RYR2: variants seen among roughly 807,000 people sequenced by gnomAD.
RYR2 encodes cardiac muscle ryanodine receptor-calcium release channel.
A neutral mutation model predicts 601.1 loss-of-function variants in RYR2; 227 were observed. That is an observed-to-expected ratio of 0.38 (90% CI 0.34 to 0.42). RYR2 has a LOEUF of 0.42. Ranked by LOEUF, RYR2 falls within the 10% of genes least tolerant of loss-of-function variation. The probability of loss-of-function intolerance (pLI) is 1.00; values close to 1 mark genes in which losing one functional copy is unlikely to be tolerated. For synonymous variants in RYR2, 2,223 were observed against 2,175.1 expected (o/e 1.02, Z -0.61); for missense variants, 4,646 against 6,156.5 (o/e 0.75, Z 8.21).
intron 79 of RYR2, among the ~76,000 whole-genome samples, chr1:237,738,367 T>C (rs1403956651): frequency 6.6e-6 from 1 of 152,152 alleles, no homozygotes; most frequent in Non-Finnish European, 1.5e-5. Flanking sequence ...ATGTAGTAAC[T>C]ACCCATAAAC....
intron 10 of RYR2, among the ~76,000 whole-genome samples, chr1:237,410,370 G>A (rs1251644463): frequency 6.6e-6 from 1 of 152,160 alleles, no homozygotes; most frequent in Non-Finnish European, 1.5e-5. Context: ...ATTCAAGATA[G>A]ATAAGGTAAG....
At chr1:237,492,412 A>T (rs528166145) in intron 18 of RYR2, among the ~76,000 whole-genome samples, 34 of 152,324 alleles carry the variant, frequency 2.2e-4, no homozygotes, top group African/African-American at 7.5e-4. Flanking sequence ...TTCTCAATTT[A>T]TATATGAAGA....
chr1:237,584,494 G>A (rs963942817), intron 29 of RYR2, among the ~76,000 whole-genome samples: 67 of 152,168 alleles, frequency 4.4e-4, no homozygotes, highest in East Asian at 3.9e-4. Context: ...TTTGTTCACA[G>A]CTATATTCCC....
At chr1:237,305,163 T>G (rs1693749558) in intron 2 of RYR2, among the ~76,000 whole-genome samples, 1 of 152,280 alleles carries the variant, frequency 6.6e-6, no homozygotes, top group East Asian at 1.9e-4. Flanking sequence ...AGCAAGACTT[T>G]TGCTCACGTG....
intron 17 of RYR2, among the ~76,000 whole-genome samples, chr1:237,488,783 C>G (rs752484605): frequency 6.6e-6 from 1 of 152,114 alleles, no homozygotes; most frequent in Non-Finnish European, 1.5e-5. Flanking sequence ...TAATGATAAT[C>G]CCACCATCCT....
rs530258966 is a variant in RYR2 at position 237,755,231 on chromosome 1, G to A, written c.11146-1057G>A. ...TAGTTCACTTTATTTTTCATATTCT[G>A]TAACTAGCAAGCCTTCATTTTTTAA... On this transcript the variant is annotated intron_variant, in intron 80 of 104. Coordinates refer to ENST00000366574, the MANE Select transcript of RYR2 (RefSeq NM_001035.3). The A allele has an allele frequency of 8.8e-5, 42 of 478,138 alleles. 1 individual carries two copies. The highest frequency in any genetic ancestry group is 1.8e-4 in the Admixed American group (4 of 22,408). The allele number at this position is 478,138 out of a possible 1,614,324, so 29.6% of individuals were successfully genotyped here.
intron 29 of RYR2, among the ~76,000 whole-genome samples, chr1:237,571,679 A>G (rs900215339): frequency 3.3e-5 from 5 of 152,178 alleles, no homozygotes; most frequent in Non-Finnish European, 2.9e-5. Context: ...TGTTGCTTGT[A>G]TGAAGTTTTA....
chr1:237,746,071 AT>A (rs1692049807), intron 80 of RYR2, among the ~76,000 whole-genome samples: 1 of 152,190 alleles, frequency 6.6e-6, no homozygotes. Context: ...CCCTATAAAG[AT>A]ACTCTTCTCT....
intron 17 of RYR2, among the ~76,000 whole-genome samples, chr1:237,486,847 A>G (rs868856374): frequency 7.1e-4 from 108 of 152,234 alleles, no homozygotes; most frequent in African/African-American, 2.6e-3. Flanking sequence ...TAAAATATGT[A>G]TTTTATACAA....
intron 100 of RYR2, among the ~76,000 whole-genome samples, chr1:237,810,240 A>G (rs1341590629): frequency 6.6e-6 from 1 of 152,174 alleles, no homozygotes; most frequent in East Asian, 1.9e-4. Flanking sequence ...ACCATAACAA[A>G]GGGCCATTTT....
At position 237,700,337 on chromosome 1, in the gene RYR2, G is replaced by A. The variant is rs1687856862; in HGVS notation, c.9237G>A (p.Gln3079=). 2 of 1,600,522 alleles carry A rather than the reference G, an allele frequency of 1.2e-6. No homozygotes were observed. The highest frequency in any genetic ancestry group is 1.7e-5 in the Admixed American group (1 of 58,082). ...CCATGGAAAACCTCAAGCAGGGCCA[G>A]TTCACTCACACCCGAAACCAGCCCA... ...EKTMENLKQG[Q]FTHTRNQPKG... is the part of the protein sequence containing the mutation. The change falls in exon 65 of 105, where the codon CAG becomes CAA. Residue 3079 remains glutamine, a synonymous_variant. Coordinates refer to ENST00000366574, the MANE Select transcript of RYR2 (RefSeq NM_001035.3).
At chr1:237,664,508 T>C (rs1488308045) in intron 56 of RYR2, among the ~76,000 whole-genome samples, 1 of 152,214 alleles carries the variant, frequency 6.6e-6, no homozygotes, top group Non-Finnish European at 1.5e-5. Context: ...ACATCTCACA[T>C]GGTGGTAGAC....
intron 5 of RYR2, among the ~76,000 whole-genome samples, chr1:237,368,121 A>G (rs1429998085): frequency 6.6e-6 from 1 of 152,216 alleles, no homozygotes; most frequent in African/African-American, 2.4e-5. Context: ...AGTTTTAAAA[A>G]GTAGAGGGAG....
rs368031082 is a variant in RYR2, at chr1:237,832,639, C to G, written c.14896C>G (p.Leu4966Val). The change falls in exon 105 of 105, where the codon CTA (leucine) becomes GTA (valine). Residue 4966 changes from leucine (L) to valine (V), a missense_variant. Transcript: ENST00000366574. ...CTTCCGGAAACAGTATGAAGACCAG[C>G]TAAATTAAACTCAGACCCAATCACC... ...DCFRKQYEDQ[L>V]N is the part of the protein sequence containing the mutation. The G allele has an allele frequency of 6.2e-7, 1 of 1,606,198 alleles. No individual in the cohort carries two copies. Among genetic ancestry groups the G allele is most frequent in the African/African-American group, 1.3e-5 (1 of 74,762 alleles).
intron 1 of RYR2, among the ~76,000 whole-genome samples, chr1:237,063,500 C>G (rs1663137695): frequency 1.3e-5 from 2 of 151,898 alleles, no homozygotes; most frequent in South Asian, 4.2e-4. Flanking sequence ...TTATATTTTT[C>G]TGGAAATGCG....
At chr1:237,433,881 G>A (rs1329392648) in intron 12 of RYR2, among the ~76,000 whole-genome samples, 1 of 152,130 alleles carries the variant, frequency 6.6e-6, no homozygotes, top group Admixed American at 6.5e-5. Flanking sequence ...TAAAAAAAAT[G>A]ATGTAACATA....
chr1:237,378,866 G>A (rs1224515202), intron 8 of RYR2, among the ~76,000 whole-genome samples: 1 of 152,184 alleles, frequency 6.6e-6, no homozygotes, highest in Non-Finnish European at 1.5e-5. Flanking sequence ...GTATAACAGT[G>A]TCTCGTGTAA....
intron 2 of RYR2, among the ~76,000 whole-genome samples, chr1:237,328,278 T>C (rs968661456): frequency 6.6e-6 from 1 of 152,190 alleles, no homozygotes; most frequent in Admixed American, 6.5e-5. Context: ...AACAGTTTTT[T>C]TTACATTAGC....
intron 39 of RYR2, among the ~76,000 whole-genome samples, chr1:237,624,101 C>CA (rs771922162): frequency 1.4e-4 from 22 of 152,054 alleles, no homozygotes; most frequent in Non-Finnish European, 2.5e-4. Flanking sequence ...AGAAGATGAC[C>CA]AAAATTCTTT....
Sources: gnomAD v4.1 joint callset for allele counts (sites outside exome capture counted in the v4.1 genomes callset) on GRCh38, gnomAD v4.1.1 for gene constraint, MANE v1.5 for transcripts, NCBI Gene and HGNC (gene_info 2026-07-23, HGNC 2026-07-21) for gene names.